Variants in GLIS3 observed in about 807,000 individuals in gnomAD.
GLIS3 encodes the protein GLIS family zinc finger 3, also known as zinc finger protein GLIS3.
GLIS3 carries 53 observed loss-of-function variants against 78.6 expected under a neutral mutation model. That is an observed-to-expected ratio of 0.67 (90% CI 0.54 to 0.85). The LOEUF (loss-of-function observed/expected upper bound fraction) is 0.85. Ranked by LOEUF, GLIS3 falls within the 40% of genes least tolerant of loss-of-function variation. The pLI, the probability that GLIS3 is intolerant of heterozygous loss-of-function variation, is 0.00. For synonymous variants in GLIS3, 684 were observed against 509.9 expected, an observed-to-expected ratio of 1.34 and a Z score of -4.60; for missense variants, 1,703 against 1,231.1, an observed-to-expected ratio of 1.38 and a Z score of -5.74.
the GLIS3 span, among the ~76,000 whole-genome samples, chr9:4,475,194 T>A: frequency 6.6e-6 from 1 of 151,784 alleles, no homozygotes; most frequent in Non-Finnish European, 1.5e-5. Context: ...ACTAAGACAG[T>A]GAATAATGAG....
intron 2 of GLIS3, among the ~76,000 whole-genome samples, chr9:4,259,015 C>T (rs1825248005): frequency 6.6e-6 from 1 of 152,068 alleles, no homozygotes; most frequent in African/African-American, 2.4e-5. Flanking sequence ...GCCAATGGAC[C>T]CTTGTGGGTT....
At chr9:4,030,970 G>T (rs1823786868) in intron 4 of GLIS3, among the ~76,000 whole-genome samples, 1 of 152,156 alleles carries the variant, frequency 6.6e-6, no homozygotes, top group Non-Finnish European at 1.5e-5. Flanking sequence ...CAACCACCAG[G>T]ATGGCTACCA....
At chr9:4,092,844 G>T (rs1455203311) in intron 4 of GLIS3, among the ~76,000 whole-genome samples, 5 of 152,160 alleles carry the variant, frequency 3.3e-5, no homozygotes, top group Admixed American at 1.3e-4. Flanking sequence ...CAGCAACACA[G>T]ATTTTTATTA....
At chr9:4,082,837 A>C (rs1828675351) in intron 4 of GLIS3, among the ~76,000 whole-genome samples, 1 of 152,242 alleles carries the variant, frequency 6.6e-6, no homozygotes, top group Admixed American at 6.5e-5. Flanking sequence ...TTCACTTTCG[A>C]AACAGACTTA....
chr9:4,322,353 CTT>C (rs1396755571), intron 2 of GLIS3, among the ~76,000 whole-genome samples: 1 of 152,080 alleles, frequency 6.6e-6, no homozygotes, highest in East Asian at 1.9e-4. Flanking sequence ...GTGCATGTGT[CTT>C]TATAGGAACA....
Position 4,248,251 on chromosome 9 carries a change from C to G in GLIS3, c.388+37787G>C, listed in dbSNP as rs557920539. Among the ~76,000 whole-genome samples, 19 of 152,192 alleles carry G rather than the reference C, an allele frequency of 1.2e-4. 1 individual carries two copies. The highest frequency in any genetic ancestry group is 9.7e-4 in the East Asian group (5 of 5,178). On this transcript the variant is annotated intron_variant, in intron 2 of 10. Transcript: ENST00000381971. ...TATCCTTCCCCCAGCCCCCCATCCC[C>G]CAACAGGCTCCAGTGTGTGATGTTC... is the stretch of plus-strand genomic sequence containing the variant.
At chr9:4,378,416 G>C in the GLIS3 span, among the ~76,000 whole-genome samples, 3 of 151,936 alleles carry the variant, frequency 2.0e-5, no homozygotes, top group Non-Finnish European at 2.9e-5. Flanking sequence ...ACATGTTTTT[G>C]TTTGTTTATA....
chr9:4,171,977 G>C (rs1228025207), intron 2 of GLIS3, among the ~76,000 whole-genome samples: 3 of 152,076 alleles, frequency 2.0e-5, no homozygotes, highest in African/African-American at 4.8e-5. Context: ...ATAACCAGAA[G>C]GGTTTTTTGT....
At chr9:3,939,162 C>A (rs539867796) in intron 4 of GLIS3, among the ~76,000 whole-genome samples, 1 of 152,264 alleles carries the variant, frequency 6.6e-6, no homozygotes, top group African/African-American at 2.4e-5. Flanking sequence ...GGCCCCATAT[C>A]CACTCTGTTC....
At chr9:4,268,241 C>T (rs1020607177) in intron 2 of GLIS3, among the ~76,000 whole-genome samples, 3 of 152,030 alleles carry the variant, frequency 2.0e-5, no homozygotes, top group African/African-American at 4.8e-5. Context: ...ACAACAACAA[C>T]AACTAACATA....
chr9:4,211,727 T>TA (rs1820392619), intron 2 of GLIS3, among the ~76,000 whole-genome samples: 1 of 152,228 alleles, frequency 6.6e-6, no homozygotes, highest in South Asian at 2.1e-4. Flanking sequence ...TGAATGTTCA[T>TA]AGCAGCACTG....
intron 2 of GLIS3, among the ~76,000 whole-genome samples, chr9:4,253,622 T>C (rs576009482): frequency 3.9e-5 from 6 of 152,288 alleles, no homozygotes; most frequent in South Asian, 4.1e-4. Context: ...TGAACGATTC[T>C]GTCTCGCTAG....
chr9:4,398,368 A>C, the GLIS3 span, among the ~76,000 whole-genome samples: 2 of 152,094 alleles, frequency 1.3e-5, no homozygotes, highest in African/African-American at 2.4e-5. Flanking sequence ...CCCCGTATCT[A>C]TGGAATCAGA....
At chr9:4,030,832 T>G (rs1823774535) in intron 4 of GLIS3, among the ~76,000 whole-genome samples, 1 of 152,346 alleles carries the variant, frequency 6.6e-6, no homozygotes, top group Non-Finnish European at 1.5e-5. Flanking sequence ...TCAAATATTC[T>G]ACAATGTAAT....
At chr9:4,353,799 G>T in the GLIS3 span, among the ~76,000 whole-genome samples, 1 of 152,120 alleles carries the variant, frequency 6.6e-6, no homozygotes, top group South Asian at 2.1e-4. Context: ...AACTTAATTC[G>T]GTGCCTGTAG....
chr9:3,836,928 C>T (rs1321659387), intron 9 of GLIS3, among the ~76,000 whole-genome samples: 2 of 152,170 alleles, frequency 1.3e-5, no homozygotes, highest in Non-Finnish European at 2.9e-5. Context: ...TAAGCCAGAG[C>T]AAATGAAGGA....
At chr9:4,071,630 T>G (rs1386364151) in intron 4 of GLIS3, 3 of 152,176 alleles carry the variant, frequency 2.0e-5, no homozygotes, top group Non-Finnish European at 1.5e-5. Flanking sequence ...AAGCTTAAAA[T>G]GGCAGCTGCC....
At chr9:3,865,245 A>C (rs1443307677) in intron 8 of GLIS3, among the ~76,000 whole-genome samples, 1 of 152,068 alleles carries the variant, frequency 6.6e-6, no homozygotes, top group African/African-American at 2.4e-5. Context: ...TCACCTCCAT[A>C]CTCTCCTTAC....
intron 2 of GLIS3, among the ~76,000 whole-genome samples, chr9:4,188,045 T>C (rs938529563): frequency 4.0e-5 from 6 of 151,716 alleles, no homozygotes; most frequent in Non-Finnish European, 5.9e-5. Context: ...TGAATAGGAG[T>C]GGTGAGAGAG....
Sources: allele counts gnomAD v4.1 joint callset (sites outside exome capture counted in the v4.1 genomes callset), GRCh38; gene constraint gnomAD v4.1.1; transcripts MANE v1.5; gene names NCBI Gene and HGNC (gene_info 2026-07-23, HGNC 2026-07-21).